Variants in KIF1A observed in about 807,000 individuals in gnomAD.
KIF1A encodes the protein kinesin-like protein KIF1A.
A neutral mutation model predicts 227.3 loss-of-function variants in KIF1A; 46 were observed. The observed-to-expected ratio is 0.20, with a 90% CI of 0.16 to 0.26. The LOEUF is 0.26. Among genes scored for constraint, KIF1A ranks in the 10% least tolerant of loss-of-function variants. The pLI, the probability that KIF1A is intolerant of heterozygous loss-of-function variation, is 1.00. For synonymous variants in KIF1A, 1,022 were observed against 1,012.8 expected (o/e 1.01, Z -0.17); for missense variants, 1,683 against 2,485.9 (o/e 0.68, Z 6.87).
At chr2:240,722,359 G>T in intron 43 of KIF1A, 97 bp downstream of exon 43, 1 of 1,208,306 alleles carries the variant, frequency 8.3e-7, no homozygotes, top group Non-Finnish European at 1.2e-6. Context: ...AACCAGAGCA[G>T]CCATGGGCAA....
In KIF1A at chr2:240,790,495, G is replaced by A. The variant is rs2055532629; in HGVS notation, c.107-1183C>T. Among the ~76,000 whole-genome samples the A allele has an allele frequency of 6.6e-6, 1 of 152,068 alleles. No homozygotes were observed. The highest frequency in any genetic ancestry group is 2.4e-5 in the African/African-American group (1 of 41,416). ...ACCCTCCGTGCCAGCATGCACCCTGGGGACCTGCCACCAGGACCACGGAGA... is the reference window on the plus strand; with the variant it reads ...ACCCTCCGTGCCAGCATGCACCCTGAGGACCTGCCACCAGGACCACGGAGA... On this transcript the variant is annotated intron_variant, in intron 2 of 48. Transcript: ENST00000498729. The surrounding 1 kb of genome is among the most constrained non-coding windows in gnomAD (Gnocchi z 5.0).
intron 1 of KIF1A, among the ~76,000 whole-genome samples, chr2:240,803,258 C>T (rs938284901): frequency 3.9e-5 from 6 of 152,190 alleles, no homozygotes; most frequent in Non-Finnish European, 8.8e-5. Context: ...TAGCTAAAGC[C>T]GGACTGACGA....
chr2:240,722,775 G>A lies in KIF1A; in HGVS notation c.4465-119C>T, dbSNP rs1018490927. 6.5e-6 allele frequency: 5 copies of A among 767,510 alleles called. No homozygotes were observed. The African/African-American group carries it at 8.9e-5, about 14-fold the overall frequency. 47.5% of individuals were successfully genotyped at this position (767,510 alleles called of 1,614,324 possible). A position where few individuals can be genotyped will look rare whatever the true frequency, so the allele number is the denominator to read the frequency against. On this transcript the variant is annotated intron_variant, in intron 42 of 48. Transcript: ENST00000498729. ...ACCCCGGAGAGCCCACCCTCCCCTG[G>A]GCTAAGACTGAAGACTGACAGCCCT...
In KIF1A at chr2:240,775,048, G is replaced by A. The variant is rs1180147587; in HGVS notation, c.959-787C>T. On this transcript the variant is annotated intron_variant, in intron 11 of 48. Transcript: ENST00000498729. The surrounding 1 kb of genome is among the most constrained non-coding windows in gnomAD (Gnocchi z 5.5). ...CCCCGCCCTGGGACTGAACCTGGGT[G>A]TGCCTGGAGCAGGCGGCTCCTTCCC... is the stretch of plus-strand genomic sequence containing the variant. 6.6e-6 allele frequency among the ~76,000 whole-genome samples: 1 copy of A among 152,252 alleles called. No homozygotes were observed.
intron 25 of KIF1A, among the ~76,000 whole-genome samples, chr2:240,759,878 A>G (rs932664629): frequency 3.9e-5 from 6 of 152,118 alleles, no homozygotes; most frequent in African/African-American, 1.4e-4. Flanking sequence ...TGGGTGTCAT[A>G]GTGCACTCCA....
intron 41 of KIF1A, 37 bp downstream of exon 41, chr2:240,723,938 C>T (rs1047509932): frequency 6.3e-7 from 1 of 1,583,808 alleles, no homozygotes; most frequent in Admixed American, 1.7e-5. Flanking sequence ...TTGAGCAGGC[C>T]AGGAACCCAC....
intron 27 of KIF1A, among the ~76,000 whole-genome samples, chr2:240,755,620 C>T (rs1286386403): frequency 6.6e-6 from 1 of 152,212 alleles, no homozygotes; most frequent in Non-Finnish European, 1.5e-5. Context: ...CTTCACAGAC[C>T]ACCCCGCAAT....
chr2:240,750,928 T>G (rs1480342632), intron 27 of KIF1A, among the ~76,000 whole-genome samples: 1 of 152,174 alleles, frequency 6.6e-6, no homozygotes, highest in South Asian at 2.1e-4. Flanking sequence ...ACACTGGCAC[T>G]GATGGCCAGC....
intron 10 of KIF1A, among the ~76,000 whole-genome samples, chr2:240,778,000 G>A (rs1027718026): frequency 2.0e-5 from 3 of 151,962 alleles, no homozygotes; most frequent in Admixed American, 1.3e-4. Context: ...AGGAGCTCTC[G>A]CCGTTCCCCG....
At chr2:240,737,662 CA>C (rs2047502951) in intron 37 of KIF1A, 1 of 154,110 alleles carries the variant, frequency 6.5e-6, no homozygotes, top group Admixed American at 6.3e-5. Flanking sequence ...CCTCTTCTTA[CA>C]AGGGGCATTT....
In KIF1A at chr2:240,792,952, G is replaced by A. The variant is rs2055904661; in HGVS notation, c.107-3640C>T. Reference sequence around the variant, plus strand: ...ATTGGACTTCCGCCTCCAGACTGCGGAGAAGGGAACATATGCTGTTTAAGA... The same window carrying A: ...ATTGGACTTCCGCCTCCAGACTGCGAAGAAGGGAACATATGCTGTTTAAGA... On this transcript the variant is annotated intron_variant, in intron 2 of 48. Coordinates refer to ENST00000498729, the MANE Select transcript of KIF1A (RefSeq NM_001244008.2). This position sits in a 1 kb window ranked among gnomAD's most constrained non-coding sequence, Gnocchi z 4.5. 6.6e-6 allele frequency among the ~76,000 whole-genome samples: 1 copy of A among 152,210 alleles called. No individual in the cohort carries two copies. The highest frequency in any genetic ancestry group is 1.5e-5 in the Non-Finnish European group (1 of 68,028).
At chr2:240,723,623 G>A in intron 41 of KIF1A, 65 bp from the exon 42 acceptor site, 1 of 1,470,426 alleles carries the variant, frequency 6.8e-7, no homozygotes, top group Non-Finnish European at 9.1e-7. Context: ...ACCCATCCTA[G>A]AGGTCCGCCC....
chr2:240,722,537 G>C lies in KIF1A; in HGVS notation c.4584C>G (p.Ser1528Arg). 3 of 1,549,226 alleles carry C rather than the reference G, an allele frequency of 1.9e-6. No homozygotes were observed. Among genetic ancestry groups the C allele is most frequent in the African/African-American group, 1.4e-5 (1 of 73,184 alleles). Residue 1528 changes from serine to arginine, a missense_variant, in exon 43 of 49, where the codon AGC becomes AGG. This residue lies in a region of KIF1A where 384 missense variants were observed against 410.1 expected (regional missense o/e 0.94). Transcript: ENST00000498729. ...CCTCAGCCGAGAGCGGGGAGGAGGCGCTGGAGGAGCCATGGGACTCAGAGT... is the reference window on the plus strand; with the variant it reads ...CCTCAGCCGAGAGCGGGGAGGAGGCCCTGGAGGAGCCATGGGACTCAGAGT... ...SEDSESHGSS[S>R]ASSPLSAEGR...
chr2:240,725,586 C>A lies in KIF1A; in HGVS notation c.4123-182G>T. On this transcript the variant is annotated intron_variant, in intron 39 of 48. Coordinates refer to ENST00000498729, the MANE Select transcript of KIF1A (RefSeq NM_001244008.2). This position sits in a 1 kb window ranked among gnomAD's most constrained non-coding sequence, Gnocchi z 5.8. ...CTCTGCTCCTGCCCTCGAGAAAACC[C>A]CACTGGGGACAGGTAGCCACAGCTC... 1.6e-6 allele frequency: 1 copy of A among 632,644 alleles called. No individual in the cohort carries two copies. The highest frequency in any genetic ancestry group is 2.7e-6 in the Non-Finnish European group (1 of 373,016). The allele number at this position is 632,644 out of a possible 1,614,324, so 39.2% of individuals were successfully genotyped here.
chr2:240,730,738 C>T (rs1176492413), intron 38 of KIF1A, among the ~76,000 whole-genome samples: 1 of 152,222 alleles, frequency 6.6e-6, no homozygotes. Flanking sequence ...AGGATCTGGA[C>T]ATGACACAAC....
Position 240,757,351 on chromosome 2 carries a change from G to A in KIF1A, c.2826C>T (p.Tyr942=), listed in dbSNP as rs745388674. 2 of 1,550,730 alleles carry A rather than the reference G, an allele frequency of 1.3e-6. No homozygotes were observed. The highest frequency in any genetic ancestry group is 1.7e-6 in the Non-Finnish European group (2 of 1,147,072). The change falls in exon 27 of 49, where the codon TAC becomes TAT. Residue 942 remains tyrosine (Y), a synonymous_variant. Transcript: ENST00000498729. The surrounding 1 kb of genome is among the most constrained non-coding windows in gnomAD (Gnocchi z 6.2). The part of the protein sequence containing the change: ...HALCDGRDPF[Y]DRPPLFSLVG... ...CTAAACTGAACAGGGGGGGCCGGTC[G>A]TAAAACGGGTCCCGGCCGTCGCACA...
chr2:240,797,905 C>T, intron 1 of KIF1A, 93 bp from the exon 2 acceptor site: 2 of 598,194 alleles, frequency 3.3e-6, no homozygotes, highest in South Asian at 2.0e-5. Context: ...CTTTTCCACT[C>T]CCCTCCAAAG....
chr2:240,760,821 A>T lies in KIF1A; in HGVS notation c.2288T>A (p.Leu763Gln), dbSNP rs768195345. The T allele has an allele frequency of 2.5e-6, 4 of 1,607,812 alleles. No individual in the cohort carries two copies. Among genetic ancestry groups the T allele is most frequent in the Non-Finnish European group, 3.4e-6 (4 of 1,177,786 alleles). Residue 763 changes from leucine to glutamine, a missense_variant, in exon 25 of 49, where the codon CTG becomes CAG. By Grantham distance (113) the Leu-to-Gln change is moderately radical (BLOSUM62 -2). Transcript: ENST00000498729. ...CAGAGGGGAGTAGAGTGTGTCCGTC[A>T]GGAGGACAAACTGGAATTGTACCTG... ...KKKVQFQFVLLTDTLYSPLPP... is the reference protein window; with the variant it reads ...KKKVQFQFVLQTDTLYSPLPP...
At chr2:240,773,364 C>T (rs2052274927) in intron 12 of KIF1A, 108 bp from the exon 13 acceptor site, 4 of 1,406,766 alleles carry the variant, frequency 2.8e-6, no homozygotes, top group Non-Finnish European at 9.8e-7. Context: ...GGCTCAGCAG[C>T]CAGGCCAAAG....
Sources: gnomAD v4.1 joint callset for allele counts (sites outside exome capture counted in the v4.1 genomes callset) on GRCh38, gnomAD v4.1.1 for gene constraint, gnomAD v4.1.1 regional missense constraint, Gnocchi (gnomAD v3.1) non-coding constraint, MANE v1.5 for transcripts, NCBI Gene and HGNC (gene_info 2026-07-23, HGNC 2026-07-21) for gene names.